Variants in CCL14 observed in about 807,000 individuals in gnomAD.
The protein encoded by CCL14 is C-C motif chemokine ligand 14, also known as C-C motif chemokine 14.
CCL14 carries 8 observed loss-of-function variants against 8.2 expected under a neutral mutation model. The observed-to-expected ratio is 0.98, with a 90% CI of 0.57 to 1.76. CCL14 has a LOEUF of 1.76. CCL14 is among the 40% of genes most tolerant of loss of function. CCL14 has a pLI of 0.00. For synonymous variants in CCL14, 50 were observed against 43.2 expected (o/e 1.16, Z -0.62); for missense variants, 127 against 118.3 (o/e 1.07, Z -0.34).
intron 2 of CCL14, 136 bp from the exon 3 acceptor site, chr17:35,984,024 C>A (rs1157455609): frequency 2.8e-6 from 2 of 722,068 alleles, no homozygotes; most frequent in Non-Finnish European, 5.0e-6. Context: ...AGCTTAGAGC[C>A]AGTCTCCTCT....
At position 35,984,473 on chromosome 17, in the gene CCL14, G is replaced by T. The variant is rs368560391; in HGVS notation, c.80-21C>A. ...TCCCCCTGAGGAGAGAGCATCAGAT[G>T]CTGAGGAGGGGCCCCTTGTTAAAGG... On this transcript the variant is annotated intron_variant, in intron 1 of 2. Transcript: ENST00000618404. 65 of 1,544,976 alleles carry T rather than the reference G, an allele frequency of 4.2e-5. No individual in the cohort carries two copies. The East Asian group carries it at 4.7e-4, about 11-fold the overall frequency.
chr17:35,985,964 T>A (rs910912995), intron 1 of CCL14: 1 of 600,822 alleles, frequency 1.7e-6, no homozygotes, highest in Admixed American at 3.2e-5. Flanking sequence ...TGGGCACAGG[T>A]GACGCTGGAA....
chr17:35,984,252 C>A (rs1167762680), intron 2 of CCL14, 86 bp downstream of exon 2: 9 of 995,362 alleles, frequency 9.0e-6, no homozygotes, highest in African/African-American at 1.6e-5. Context: ...CGCTGGGGGT[C>A]CCCATTCCAC....
At chr17:35,984,977 C>A (rs575550636) in intron 1 of CCL14, 1 of 175,054 alleles carries the variant, frequency 5.7e-6, no homozygotes, top group South Asian at 1.9e-4. Flanking sequence ...GAGCAGGATG[C>A]CCACAGCAAG....
Position 35,983,469 on chromosome 17 carries a change from C to G in CCL14, c.*332G>C, listed in dbSNP as rs947872882. The G allele has an allele frequency of 3.6e-6, 1 of 280,446 alleles. No individual in the cohort carries two copies. Among genetic ancestry groups the G allele is most frequent in the Admixed American group, 4.7e-5 (1 of 21,170 alleles). 17.4% of individuals were successfully genotyped at this position (280,446 alleles called of 1,614,324 possible). A position where few individuals can be genotyped will look rare whatever the true frequency, so the allele number is the denominator to read the frequency against. On this transcript the variant is annotated 3_prime_UTR_variant, in exon 3 of 3. Transcript: ENST00000618404. Reference sequence around the variant, plus strand: ...GCTACTGTTGTTGCTGAGGAGGAGACGGTCTTTACACTGCTTTTCTTTCTC... The same window carrying G: ...GCTACTGTTGTTGCTGAGGAGGAGAGGGTCTTTACACTGCTTTTCTTTCTC...
chr17:35,983,881 T>A lies in CCL14; in HGVS notation c.202A>T (p.Thr68Ser). The change falls in exon 3 of 3, where the codon ACC (threonine) becomes TCC (serine). Residue 68 changes from threonine (T) to serine (S), a missense_variant. By Grantham distance (58) the Thr-to-Ser change is moderately conservative. Transcript: ENST00000618404. ...GTACAGACGGAATGGCCCCTTTTGGTGATGAAGCTGTGGAGCAAGAGGGAG... is the reference window on the plus strand; with the variant it reads ...GTACAGACGGAATGGCCCCTTTTGGAGATGAAGCTGTGGAGCAAGAGGGAG... ...QCSKPGIVFI[T>S]KRGHSVCTNP... 6.2e-7 allele frequency: 1 copy of A among 1,613,416 alleles called. No homozygotes were observed. The highest frequency in any genetic ancestry group is 1.1e-5 in the South Asian group (1 of 91,046).
rs911042116 is a variant in CCL14 at position 35,983,417 on chromosome 17, A to G, written c.*384T>C. ...GACTGCCTAGCAGAGTGCTTGGAGT[A>G]TAGAAAGCATTAAGAAAACGGGGTC... On this transcript the variant is annotated 3_prime_UTR_variant, in exon 3 of 3. Coordinates refer to ENST00000618404, the MANE Select transcript of CCL14 (RefSeq NM_032963.4). 1.9e-5 allele frequency: 4 copies of G among 215,500 alleles called. No individual in the cohort carries two copies. The highest frequency in any genetic ancestry group is 2.8e-5 in the Non-Finnish European group (3 of 108,312). 13.3% of individuals were successfully genotyped at this position (215,500 alleles called of 1,614,324 possible).
At position 35,984,242 on chromosome 17, in the gene CCL14, C is replaced by A. The variant is rs1001956231; in HGVS notation, c.194+96G>T. 5 of 906,610 alleles carry A rather than the reference C, an allele frequency of 5.5e-6. No individual in the cohort carries two copies. In the African/African-American group the frequency reaches 6.5e-5, roughly 12 times the overall value. 56.2% of individuals were successfully genotyped at this position (906,610 alleles called of 1,614,324 possible). A position where few individuals can be genotyped will look rare whatever the true frequency, so the allele number is the denominator to read the frequency against. On this transcript the variant is annotated intron_variant, in intron 2 of 2. Coordinates refer to ENST00000618404, the MANE Select transcript of CCL14 (RefSeq NM_032963.4). ...CCCATGTAGTCACACCTGGGAGGTA[C>A]GCTGGGGGTCCCCATTCCACCACCA... is the stretch of plus-strand genomic sequence containing the variant.
At chr17:35,985,941 A>G (rs1390808948) in intron 1 of CCL14, 17 of 655,808 alleles carry the variant, frequency 2.6e-5, no homozygotes, top group African/African-American at 9.2e-5. Flanking sequence ...TACCCAAGCA[A>G]TGCTGCACTC....
rs1042942517 is a variant in CCL14, at chr17:35,985,697, C to T, written c.79+874G>A. On this transcript the variant is annotated intron_variant, in intron 1 of 2. Transcript: ENST00000618404. ...GCTCCTATACTCTCCCACCTTGTTC[C>T]TCTGAGCTGACAAATGACATCGGAG... The T allele has an allele frequency of 2.7e-6, 4 of 1,498,892 alleles. No individual in the cohort carries two copies. In the African/African-American group the frequency reaches 5.6e-5, roughly 21 times the overall value. 92.8% of individuals were successfully genotyped at this position (1,498,892 alleles called of 1,614,324 possible).
chr17:35,985,913 G>A (rs575162341), intron 1 of CCL14: 32 of 814,166 alleles, frequency 3.9e-5, no homozygotes, highest in South Asian at 9.6e-5. Context: ...CCACACTGTC[G>A]TGTTTCCCCC....
rs771429403 is a variant in CCL14, at chr17:35,984,326, T to C, written c.194+12A>G. On this transcript the variant is annotated intron_variant, in intron 2 of 2. Coordinates refer to ENST00000618404, the MANE Select transcript of CCL14 (RefSeq NM_032963.4). Reference sequence around the variant, plus strand: ...CCCTCTCCCCCCAGTGTGATGTGTGTGTACCACCTACACAATTCCGGGCTT... The same window carrying C: ...CCCTCTCCCCCCAGTGTGATGTGTGCGTACCACCTACACAATTCCGGGCTT... 3.2e-6 allele frequency: 5 copies of C among 1,574,836 alleles called. No homozygotes were observed. In the Admixed American group the frequency reaches 5.0e-5, roughly 16 times the overall value.
intron 1 of CCL14, chr17:35,985,823 G>T: frequency 6.5e-7 from 1 of 1,534,770 alleles, no homozygotes; most frequent in South Asian, 1.2e-5. Context: ...TAAAATGGAA[G>T]AGTGATAAAT....
chr17:35,984,788 G>C, intron 1 of CCL14: 1 of 486,722 alleles, frequency 2.1e-6, no homozygotes, highest in Non-Finnish European at 3.6e-6. Flanking sequence ...AGAAGGCTAG[G>C]GACTTGGCCA....
Position 35,985,773 on chromosome 17 carries a change from A to T in CCL14, c.79+798T>A, listed in dbSNP as rs1598737349. 3.9e-6 allele frequency: 6 copies of T among 1,551,636 alleles called. No individual in the cohort carries two copies. The East Asian group carries it at 9.8e-5, about 25-fold the overall frequency. ...CCACCAACTTTAGCTGTATTTTAAC[A>T]ACCTTCGGTTTCCCCCCAGTTTCTG... On this transcript the variant is annotated intron_variant, in intron 1 of 2. Transcript: ENST00000618404.
intron 2 of CCL14, among the ~76,000 whole-genome samples, 194 bp downstream of exon 2, chr17:35,984,144 A>T (rs1009034906): frequency 6.6e-6 from 1 of 151,178 alleles, no homozygotes; most frequent in African/African-American, 2.4e-5. Flanking sequence ...CTCCCCATCC[A>T]TGGGGTCAGT....
At chr17:35,986,385 G>A in intron 1 of CCL14, 186 bp downstream of exon 1, 6 of 598,048 alleles carry the variant, frequency 1.0e-5, no homozygotes, top group Non-Finnish European at 1.2e-5. Context: ...ACCACACCAT[G>A]GGGTGAAGTG....
chr17:35,986,398 G>A, intron 1 of CCL14, 173 bp downstream of exon 1: 1 of 617,440 alleles, frequency 1.6e-6, no homozygotes, highest in Non-Finnish European at 2.9e-6. Flanking sequence ...GTGAAGTGCT[G>A]TGGTGCTCAG....
Position 35,986,507 on chromosome 17 carries a change from A to G in CCL14, c.79+64T>C, listed in dbSNP as rs769002637. ...GCTCCTGGTCTTCCCCTGAGCCCCA[A>G]CCTCACTCCTGCTTATTTCCCTGCA... On this transcript the variant is annotated intron_variant, in intron 1 of 2. Transcript: ENST00000618404. The G allele has an allele frequency of 2.9e-6, 4 of 1,358,664 alleles. No homozygotes were observed. In the South Asian group the frequency reaches 4.7e-5, roughly 16 times the overall value. 84.2% of individuals were successfully genotyped at this position (1,358,664 alleles called of 1,614,324 possible). A position where few individuals can be genotyped will look rare whatever the true frequency, so the allele number is the denominator to read the frequency against.
Sources: allele counts gnomAD v4.1 joint callset (sites outside exome capture counted in the v4.1 genomes callset), GRCh38; gene constraint gnomAD v4.1.1; transcripts MANE v1.5; gene names NCBI Gene and HGNC (gene_info 2026-07-23, HGNC 2026-07-21).